The following KIF18A variants were observed in gnomAD, a reference collection of about 807,000 sequenced individuals.
The protein encoded by KIF18A is kinesin family member 18A.
Under a neutral mutation model 103.3 loss-of-function variants are expected in KIF18A, and 67 were observed. The observed-to-expected ratio is 0.65, with a 90% CI of 0.53 to 0.79. KIF18A has a LOEUF of 0.79. Among genes scored for constraint, KIF18A ranks in the 30% least tolerant of loss-of-function variants. The pLI, the probability that KIF18A is intolerant of heterozygous loss-of-function variation, is 0.00. For synonymous variants in KIF18A, 367 were observed against 355.5 expected (o/e 1.03, Z -0.36); for missense variants, 1,032 against 1,062.5 (o/e 0.97, Z 0.40).
intron 13 of KIF18A, among the ~76,000 whole-genome samples, chr11:28,057,125 T>C (rs1318179078): frequency 6.6e-6 from 1 of 151,660 alleles, no homozygotes; most frequent in Non-Finnish European, 1.5e-5. Context: ...CTCAAACCCA[T>C]AACAAATAAA....
At chr11:28,090,389 C>T (rs1214243510) in intron 5 of KIF18A, among the ~76,000 whole-genome samples, 2 of 152,160 alleles carry the variant, frequency 1.3e-5, no homozygotes, top group Admixed American at 1.3e-4. Flanking sequence ...ATTACTACAA[C>T]TTTATCCTCC....
At chr11:28,098,312 T>C (rs1292506978) in intron 1 of KIF18A, among the ~76,000 whole-genome samples, 1 of 152,180 alleles carries the variant, frequency 6.6e-6, no homozygotes, top group Non-Finnish European at 1.5e-5. Flanking sequence ...AGCTGAACCA[T>C]ATATAATCAC....
At chr11:28,039,850 G>A (rs571368385) in intron 13 of KIF18A, among the ~76,000 whole-genome samples, 1 of 151,446 alleles carries the variant, frequency 6.6e-6, no homozygotes, top group Non-Finnish European at 1.5e-5. Flanking sequence ...AAGAAGAGAT[G>A]CTACAGACAC....
intron 15 of KIF18A, among the ~76,000 whole-genome samples, chr11:28,033,321 A>C (rs1454440735): frequency 1.3e-5 from 2 of 151,666 alleles, no homozygotes; most frequent in Non-Finnish European, 2.9e-5. Context: ...AAAACTAAAA[A>C]TAGTGCTACC....
At chr11:28,051,178 T>A (rs1451160784) in intron 13 of KIF18A, among the ~76,000 whole-genome samples, 1 of 151,908 alleles carries the variant, frequency 6.6e-6, no homozygotes, top group Admixed American at 6.6e-5. Context: ...TAAAAAAATT[T>A]CATTTCCTTG....
At chr11:28,090,749 C>G in intron 4 of KIF18A, 22 bp from the exon 5 acceptor site, 1 of 1,223,306 alleles carries the variant, frequency 8.2e-7, no homozygotes, top group South Asian at 1.3e-5. Flanking sequence ...TAAGTAGAAG[C>G]AAAATTTAAA....
chr11:28,043,411 G>A (rs1850585933), intron 13 of KIF18A, among the ~76,000 whole-genome samples: 1 of 151,792 alleles, frequency 6.6e-6, no homozygotes, highest in Non-Finnish European at 1.5e-5. Flanking sequence ...AAAACTCACT[G>A]GACCTATAAA....
intron 15 of KIF18A, among the ~76,000 whole-genome samples, chr11:28,035,028 T>C (rs980857421): frequency 2.6e-5 from 4 of 151,632 alleles, no homozygotes; most frequent in African/African-American, 9.7e-5. Flanking sequence ...CATAATTCTA[T>C]GATGGAAGAA....
intron 11 of KIF18A, among the ~76,000 whole-genome samples, chr11:28,065,325 G>T (rs1850904351): frequency 6.6e-6 from 1 of 151,910 alleles, no homozygotes; most frequent in African/African-American, 2.4e-5. Flanking sequence ...TATTTTTTCA[G>T]CTATAAATAT....
chr11:28,084,220 G>A (rs1196551173), intron 7 of KIF18A: 1 of 151,956 alleles, frequency 6.6e-6, no homozygotes, highest in African/African-American at 2.4e-5. Context: ...GGCTTGGAAA[G>A]CTTAACTAAC....
Position 28,088,714 on chromosome 11 carries a change from A to C in KIF18A, c.707T>G (p.Leu236Trp). 13 of 1,612,972 alleles carry C rather than the reference A, an allele frequency of 8.1e-6. No homozygotes were observed. The highest frequency in any genetic ancestry group is 1.1e-5 in the Non-Finnish European group (13 of 1,179,268). Residue 236 changes from leucine (L) to tryptophan (W), a missense_variant, in exon 6 of 17, where the codon TTG becomes TGG. Coordinates refer to ENST00000263181, the MANE Select transcript of KIF18A (RefSeq NM_031217.4). ...SRSHAVFQIYLRQQDKTASIN... is the reference protein window; with the variant it reads ...SRSHAVFQIYWRQQDKTASIN... ...ACTTGCTGTTTTGTCTTGTTGTCGC[A>C]AGTAAATCTTTTTGAAATTACAAAA...
In KIF18A at chr11:28,059,147, A is replaced by C; in HGVS notation, c.1727T>G (p.Leu576Ter). 1 of 1,610,882 alleles carries C rather than the reference A, an allele frequency of 6.2e-7. No homozygotes were observed. Among genetic ancestry groups the C allele is most frequent in the South Asian group, 1.1e-5 (1 of 91,020 alleles). ...ATATTGTTTTCTTAGGGTTGGAAGT[A>C]AAGCATTCAATACTCTATATACAGA... ...HRQTEAVLNA[L>*]LPTLRKQYCT... The change falls in exon 13 of 17, where the codon TTA becomes TGA. Residue 576 changes from leucine (L) to a stop codon, truncating the protein, a stop_gained. Coordinates refer to ENST00000263181, the MANE Select transcript of KIF18A (RefSeq NM_031217.4). LOFTEE classifies it high-confidence loss of function.
chr11:28,083,386 C>A, intron 7 of KIF18A, 143 bp from the exon 8 acceptor site: 2 of 872,890 alleles, frequency 2.3e-6, no homozygotes, highest in Non-Finnish European at 3.2e-6. Flanking sequence ...AAATCTATGA[C>A]AAGAGGATCT....
chr11:28,092,010 T>G (rs1851311463), intron 3 of KIF18A, among the ~76,000 whole-genome samples: 1 of 152,136 alleles, frequency 6.6e-6, no homozygotes, highest in Non-Finnish European at 1.5e-5. Flanking sequence ...GGAGACAGGG[T>G]TTCACCATGT....
At chr11:28,051,394 C>G (rs186225167) in intron 13 of KIF18A, among the ~76,000 whole-genome samples, 1 of 151,936 alleles carries the variant, frequency 6.6e-6, no homozygotes, top group Admixed American at 6.6e-5. Context: ...TGACTACTTA[C>G]TGTACAAAAA....
intron 3 of KIF18A, among the ~76,000 whole-genome samples, chr11:28,091,904 C>G (rs1382111986): frequency 6.6e-6 from 1 of 152,182 alleles, no homozygotes; most frequent in Non-Finnish European, 1.5e-5. Context: ...CAAGCTCCGC[C>G]TCCCGGGTTC....
At chr11:28,093,538 T>G (rs910898318) in intron 3 of KIF18A, among the ~76,000 whole-genome samples, 24 of 152,146 alleles carry the variant, frequency 1.6e-4, no homozygotes, top group African/African-American at 5.8e-4. Context: ...ATTTGTTGAC[T>G]ATTAAGAGGG....
chr11:28,097,464 A>G, intron 2 of KIF18A, 159 bp downstream of exon 2: 1 of 625,170 alleles, frequency 1.6e-6, no homozygotes, highest in Non-Finnish European at 2.8e-6. Flanking sequence ...CTAAAATTTC[A>G]AAGTCTATAT....
rs566672911 is a variant in KIF18A at position 28,046,943 on chromosome 11, A to G, written c.1949-10279T>C. On this transcript the variant is annotated intron_variant, in intron 13 of 16. Transcript: ENST00000263181. ...GTGGTGGGCGCCTGTAATCCCAGCT[A>G]TTTGGGAGGCTGAGGGAGGAGAATC... Among the ~76,000 whole-genome samples the G allele has an allele frequency of 2.7e-5, 4 of 146,846 alleles. No individual in the cohort carries two copies. The South Asian group carries it at 9.1e-4, about 33-fold the overall frequency.
Sources: gnomAD v4.1 joint callset for allele counts (sites outside exome capture counted in the v4.1 genomes callset) on GRCh38, gnomAD v4.1.1 for gene constraint, MANE v1.5 for transcripts, NCBI Gene and HGNC (gene_info 2026-07-23, HGNC 2026-07-21) for gene names.